PHACTR1: variants seen among roughly 807,000 people sequenced by gnomAD.
The protein encoded by PHACTR1 is RPEL repeat containing 1.
In PHACTR1, 16 loss-of-function variants were observed where a neutral mutation model predicts 69.2. That is an observed-to-expected ratio of 0.23 (90% CI 0.16 to 0.35). PHACTR1 has a LOEUF of 0.35. PHACTR1 is among the 10% of genes least tolerant of loss of function. The probability of loss-of-function intolerance (pLI) is 1.00; values close to 1 mark genes in which losing one functional copy is unlikely to be tolerated. For missense variants in PHACTR1, 510 were observed against 734.7 expected (o/e 0.69, Z 3.54); for synonymous variants, 312 against 284.5 (o/e 1.10, Z -0.97).
At chr6:12,958,303 A>G (rs1281959926) in intron 4 of PHACTR1, among the ~76,000 whole-genome samples, 1 of 152,244 alleles carries the variant, frequency 6.6e-6, no homozygotes, top group Non-Finnish European at 1.5e-5. Context: ...TCTCACTGCA[A>G]TGGAGACTTG....
At chr6:13,167,548 C>G (rs1418598897) in intron 6 of PHACTR1, among the ~76,000 whole-genome samples, 1 of 152,196 alleles carries the variant, frequency 6.6e-6, no homozygotes, top group Non-Finnish European at 1.5e-5. Flanking sequence ...CTAGTAGTTT[C>G]CACTGCAGTC....
At chr6:13,018,685 G>C (rs1447671086) in intron 4 of PHACTR1, among the ~76,000 whole-genome samples, 1 of 152,042 alleles carries the variant, frequency 6.6e-6, no homozygotes, top group Non-Finnish European at 1.5e-5. Flanking sequence ...ATAAGGTAAG[G>C]GTCAGACTGA....
chr6:12,731,543 A>T (rs890270750), intron 3 of PHACTR1, among the ~76,000 whole-genome samples: 2 of 152,182 alleles, frequency 1.3e-5, no homozygotes, highest in Admixed American at 6.5e-5. Flanking sequence ...GGACATGTAC[A>T]CTGAAATTGC....
At chr6:12,722,879 A>C (rs1316345764) in intron 3 of PHACTR1, among the ~76,000 whole-genome samples, 1 of 152,178 alleles carries the variant, frequency 6.6e-6, no homozygotes, top group Non-Finnish European at 1.5e-5. Context: ...GTTCTGCGGA[A>C]GTCCCCTTTA....
chr6:13,260,576 C>T (rs911165510), intron 10 of PHACTR1, among the ~76,000 whole-genome samples: 1 of 152,102 alleles, frequency 6.6e-6, no homozygotes, highest in Non-Finnish European at 1.5e-5. Flanking sequence ...TCTCTTTGTT[C>T]CATCGCACAG....
intron 4 of PHACTR1, among the ~76,000 whole-genome samples, chr6:12,934,486 T>A (rs969060985): frequency 2.0e-5 from 3 of 152,154 alleles, no homozygotes; most frequent in Non-Finnish European, 4.4e-5. Flanking sequence ...CAGATCTGCA[T>A]CATCTCTCCC....
intron 4 of PHACTR1, among the ~76,000 whole-genome samples, chr6:12,807,584 G>A (rs1774490320): frequency 6.6e-6 from 1 of 152,178 alleles, no homozygotes; most frequent in Non-Finnish European, 1.5e-5. Flanking sequence ...TCAGCAGACT[G>A]TTTTGTTTAG....
Position 13,253,450 on chromosome 6 carries a change from A to C in PHACTR1, c.1392-19410A>C, listed in dbSNP as rs546227968. On this transcript the variant is annotated intron_variant, in intron 10 of 14. Transcript: ENST00000332995. ...CATTTTTCTGTTGTCTGGGCTGTGC[A>C]TATCAACCTAACCACAATATTGCCT... is the stretch of plus-strand genomic sequence containing the variant. 6.6e-5 allele frequency among the ~76,000 whole-genome samples: 10 copies of C among 152,328 alleles called. No homozygotes were observed. The East Asian group carries it at 9.6e-4, about 15-fold the overall frequency.
intron 4 of PHACTR1, among the ~76,000 whole-genome samples, chr6:12,912,395 C>T (rs1786513015): frequency 6.6e-6 from 1 of 152,180 alleles, no homozygotes; most frequent in African/African-American, 2.4e-5. Flanking sequence ...TAATTTTTTC[C>T]ATTATCTGTG....
chr6:12,841,935 A>T (rs1778739990), intron 4 of PHACTR1, among the ~76,000 whole-genome samples: 2 of 152,224 alleles, frequency 1.3e-5, no homozygotes, highest in African/African-American at 4.8e-5. Context: ...AAAAAAAGGT[A>T]AAGAAGGCCC....
intron 8 of PHACTR1, among the ~76,000 whole-genome samples, chr6:13,211,115 G>GTTTATT (rs1049198443): frequency 1.3e-5 from 2 of 151,766 alleles, no homozygotes; most frequent in Non-Finnish European, 2.9e-5. Context: ...CTTTTTATTT[G>GTTTATT]TTTATTTTTA....
At chr6:12,883,810 A>G (rs1048208869) in intron 4 of PHACTR1, among the ~76,000 whole-genome samples, 1 of 152,118 alleles carries the variant, frequency 6.6e-6, no homozygotes, top group Non-Finnish European at 1.5e-5. Flanking sequence ...TTCCTCCTGC[A>G]TACATATCAT....
chr6:12,843,469 G>A (rs1778899382), intron 4 of PHACTR1, among the ~76,000 whole-genome samples: 2 of 152,188 alleles, frequency 1.3e-5, no homozygotes, highest in African/African-American at 4.8e-5. Context: ...GCACGTGTGT[G>A]TGTATAGACA....
chr6:12,937,848 C>A (rs1469331347), intron 4 of PHACTR1, among the ~76,000 whole-genome samples: 2 of 152,308 alleles, frequency 1.3e-5, no homozygotes, highest in East Asian at 3.9e-4. Flanking sequence ...GGCCTATAAT[C>A]CCAGCACTTT....
At chr6:13,263,343 G>GA (rs71552741) in intron 10 of PHACTR1, among the ~76,000 whole-genome samples, 58,563 of 125,878 alleles carry the variant, frequency 0.47, 15,452 homozygotes, top group Non-Finnish European at 0.63. Context: ...TGTTCAGACT[G>GA]AAAAAAAAAA....
At chr6:13,240,251 C>A (rs1772633132) in intron 10 of PHACTR1, among the ~76,000 whole-genome samples, 1 of 152,064 alleles carries the variant, frequency 6.6e-6, no homozygotes, top group Non-Finnish European at 1.5e-5. Context: ...TTTTAAGAGG[C>A]TCTTCTTAGG....
In PHACTR1 at chr6:13,084,625, CT is replaced by C. The variant is rs1811981967; in HGVS notation, c.415+31100del. On this transcript the variant is annotated intron_variant, in intron 5 of 14. Coordinates refer to ENST00000332995, the MANE Select transcript of PHACTR1 (RefSeq NM_030948.6). ...AATGAGCAAATAAATTGGCAACATT[CT>C]TTTATCAATGTAAATAAGTGCCCCT... Among the ~76,000 whole-genome samples the C allele has an allele frequency of 2.0e-5, 3 of 151,860 alleles. No homozygotes were observed. The South Asian group carries it at 6.3e-4, about 32-fold the overall frequency.
chr6:13,103,312 A>G (rs921234349), intron 5 of PHACTR1, among the ~76,000 whole-genome samples: 2 of 152,322 alleles, frequency 1.3e-5, no homozygotes, highest in African/African-American at 4.8e-5. Flanking sequence ...AGCTTTGGAT[A>G]TAGGTGGTAT....
chr6:13,202,459 A>G (rs1019803571), intron 7 of PHACTR1, among the ~76,000 whole-genome samples: 2 of 146,718 alleles, frequency 1.4e-5, no homozygotes, highest in Non-Finnish European at 3.0e-5. Context: ...GACATACTGC[A>G]TTTGCTAGGT....
Sources: allele counts gnomAD v4.1 joint callset (sites outside exome capture counted in the v4.1 genomes callset), GRCh38; gene constraint gnomAD v4.1.1; transcripts MANE v1.5; gene names NCBI Gene and HGNC (gene_info 2026-07-23, HGNC 2026-07-21).